Variants in LAMA2 observed in about 807,000 individuals in gnomAD.
The protein encoded by LAMA2 is laminin subunit alpha-2.
LAMA2 carries 269 observed loss-of-function variants against 364.8 expected under a neutral mutation model. The observed-to-expected ratio is 0.74, with a 90% confidence interval of 0.67 to 0.82. The LOEUF (loss-of-function observed/expected upper bound fraction) is 0.82. Ranked by LOEUF, LAMA2 falls within the 40% of genes least tolerant of loss-of-function variation. The pLI, the probability that LAMA2 is intolerant of heterozygous loss-of-function variation, is 0.00. For synonymous variants in LAMA2, 1,379 were observed against 1,370.6 expected, an observed-to-expected ratio of 1.01 and a Z score of -0.14; for missense variants, 3,807 against 3,873.2, an observed-to-expected ratio of 0.98 and a Z score of 0.45.
chr6:129,138,942 A>G (rs1777960494), intron 4 of LAMA2, among the ~76,000 whole-genome samples: 1 of 152,072 alleles, frequency 6.6e-6, no homozygotes, highest in Admixed American at 6.6e-5. Flanking sequence ...GGAGTAGCTG[A>G]AGCGGTAGAA....
chr6:128,945,324 T>C (rs1189536282), intron 1 of LAMA2, among the ~76,000 whole-genome samples: 1 of 152,324 alleles, frequency 6.6e-6, no homozygotes. Context: ...TGTACCAAAC[T>C]TCTCAGTTCT....
intron 40 of LAMA2, among the ~76,000 whole-genome samples, chr6:129,423,421 G>C (rs1318835919): frequency 6.6e-6 from 1 of 152,030 alleles, no homozygotes; most frequent in African/African-American, 2.4e-5. Flanking sequence ...AAATCCTGGT[G>C]GTTCATGCCT....
At chr6:129,367,014 C>T (rs886849426) in intron 33 of LAMA2, among the ~76,000 whole-genome samples, 2 of 152,168 alleles carry the variant, frequency 1.3e-5, no homozygotes, top group African/African-American at 4.8e-5. Context: ...GCCTGGGATC[C>T]AGAAATGCTT....
At chr6:129,151,381 C>A (rs191213370) in intron 7 of LAMA2, among the ~76,000 whole-genome samples, 31 of 152,284 alleles carry the variant, frequency 2.0e-4, no homozygotes, top group Non-Finnish European at 4.0e-4. Context: ...TACACTATTA[C>A]AACAAAGCTT....
chr6:129,360,638 A>G (rs1777407340), intron 32 of LAMA2, among the ~76,000 whole-genome samples: 1 of 152,234 alleles, frequency 6.6e-6, no homozygotes, highest in Non-Finnish European at 1.5e-5. Flanking sequence ...AAGCAAATAC[A>G]GATACCATAA....
At position 129,486,455 on chromosome 6, in the gene LAMA2, T is replaced by G. The variant is rs370380123; in HGVS notation, c.7750-19T>G. The stretch of plus-strand genomic sequence containing the variant: ...AATGAGACTTCTGTTTAATCTTCAA[T>G]AACCACTTGCTGTTGCAGGCCTATT... On this transcript the variant is annotated intron_variant, in intron 55 of 64. Coordinates refer to ENST00000421865, the MANE Select transcript of LAMA2 (RefSeq NM_000426.4). 3.1e-6 allele frequency: 5 copies of G among 1,612,546 alleles called. No homozygotes were observed. In the Admixed American group the frequency reaches 8.3e-5, roughly 27 times the overall value.
At chr6:129,492,124 C>T (rs1463444592) in intron 57 of LAMA2, 47 bp downstream of exon 57, 1 of 1,563,554 alleles carries the variant, frequency 6.4e-7, no homozygotes, top group Non-Finnish European at 8.8e-7. Context: ...ATTTTTATTT[C>T]TTGCTATTAG....
chr6:129,132,798 A>G (rs1583103102), intron 4 of LAMA2, among the ~76,000 whole-genome samples: 3 of 152,294 alleles, frequency 2.0e-5, no homozygotes, highest in East Asian at 3.9e-4. Context: ...ATCATTTTAC[A>G]TAAATTATTT....
chr6:129,422,444 C>T (rs1378208205), intron 40 of LAMA2, among the ~76,000 whole-genome samples: 2 of 152,062 alleles, frequency 1.3e-5, no homozygotes, highest in African/African-American at 4.8e-5. Context: ...AAAATCAATA[C>T]ATTGATAATC....
At chr6:129,287,670 A>G (rs980994384) in intron 18 of LAMA2, among the ~76,000 whole-genome samples, 177 bp from the exon 19 acceptor site, 4 of 152,010 alleles carry the variant, frequency 2.6e-5, no homozygotes, top group African/African-American at 4.8e-5. Flanking sequence ...GCAGGATATC[A>G]TCTTGTATCT....
chr6:129,071,778 T>C lies in LAMA2; in HGVS notation c.396+11882T>C, dbSNP rs188552963. ...TCCACTATGGTCAGTGTATTTTCAA[T>C]TCTTTGAGACTAAACTTTTTGAGAC... On this transcript the variant is annotated intron_variant, in intron 3 of 64. Coordinates refer to ENST00000421865, the MANE Select transcript of LAMA2 (RefSeq NM_000426.4). Among the ~76,000 whole-genome samples, 400 of 152,300 alleles carry C rather than the reference T, an allele frequency of 2.6e-3. 3 individuals are homozygous for C. Among genetic ancestry groups the C allele is most frequent in the African/African-American group, 9.2e-3 (381 of 41,570 alleles).
chr6:129,432,850 C>T (rs1009737862), intron 41 of LAMA2, among the ~76,000 whole-genome samples: 1 of 152,208 alleles, frequency 6.6e-6, no homozygotes, highest in East Asian at 1.9e-4. Flanking sequence ...TTTGCAGAAC[C>T]TGCTACCAGA....
intron 42 of LAMA2, among the ~76,000 whole-genome samples, chr6:129,439,351 C>T (rs919800102): frequency 3.9e-5 from 6 of 151,918 alleles, no homozygotes; most frequent in African/African-American, 1.4e-4. Flanking sequence ...ATACAGAGCC[C>T]ACTGACACAG....
intron 7 of LAMA2, among the ~76,000 whole-genome samples, chr6:129,151,246 A>ATAG (rs1233621952): frequency 1.3e-5 from 2 of 152,314 alleles, no homozygotes; most frequent in African/African-American, 4.8e-5. Flanking sequence ...GGTTTTACAT[A>ATAG]TAGTAGCTCA....
chr6:129,462,721 A>G (rs1390464235), intron 49 of LAMA2, among the ~76,000 whole-genome samples: 2 of 151,894 alleles, frequency 1.3e-5, no homozygotes, highest in Admixed American at 1.3e-4. Flanking sequence ...TTGTAAGAAT[A>G]ATTTTTATAG....
intron 4 of LAMA2, among the ~76,000 whole-genome samples, chr6:129,122,669 T>G (rs1383161244): frequency 1.3e-5 from 2 of 152,140 alleles, no homozygotes; most frequent in Non-Finnish European, 2.9e-5. Flanking sequence ...GGGCAGTTGT[T>G]CACAACTGAG....
chr6:129,425,556 T>G (rs1781286826), intron 40 of LAMA2, among the ~76,000 whole-genome samples: 1 of 152,050 alleles, frequency 6.6e-6, no homozygotes, highest in African/African-American at 2.4e-5. Context: ...ACCCAATAGT[T>G]ATTTTTCTCT....
intron 3 of LAMA2, among the ~76,000 whole-genome samples, chr6:129,086,216 A>G (rs1469898300): frequency 2.0e-5 from 3 of 152,244 alleles, no homozygotes; most frequent in Non-Finnish European, 2.9e-5. Flanking sequence ...AGGGTGCAGC[A>G]TCCCTATTTA....
chr6:129,427,865 C>T lies in LAMA2; in HGVS notation c.5968+11C>T, dbSNP rs761969972. 6.5e-7 allele frequency: 1 copy of T among 1,545,944 alleles called. No homozygotes were observed. Among genetic ancestry groups the T allele is most frequent in the Admixed American group, 1.7e-5 (1 of 59,938 alleles). On this transcript the variant is annotated intron_variant, in intron 41 of 64. Transcript: ENST00000421865. ...CAAATGATGTAAAAGGTCAGTGTGGCCATAGTTTTTATTATATTCCAGTTA... is the reference window on the plus strand; with the variant it reads ...CAAATGATGTAAAAGGTCAGTGTGGTCATAGTTTTTATTATATTCCAGTTA...
Sources: gnomAD v4.1 joint callset for allele counts (sites outside exome capture counted in the v4.1 genomes callset) on GRCh38, gnomAD v4.1.1 for gene constraint, MANE v1.5 for transcripts, NCBI Gene and HGNC (gene_info 2026-07-23, HGNC 2026-07-21) for gene names.